Variants in TJP2 observed in about 807,000 individuals in gnomAD.
The protein encoded by TJP2 is tight junction protein 2, also known as Friedreich ataxia region gene X104 (tight junction protein ZO-2).
TJP2 carries 91 observed loss-of-function variants against 133.1 expected under a neutral mutation model. The ratio of observed to expected loss-of-function variants is 0.68; its 90% CI spans 0.58 to 0.81. The LOEUF (loss-of-function observed/expected upper bound fraction) is 0.81. TJP2 is among the 40% of genes least tolerant of loss of function. The pLI is 0.00. For missense variants in TJP2, 1,541 were observed against 1,565.6 expected (o/e 0.98, Z 0.26); for synonymous variants, 592 against 583.4 (o/e 1.01, Z -0.21).
chr9:69,230,147 A>T lies in TJP2; in HGVS notation c.1586A>T (p.Asn529Ile). 6.2e-7 allele frequency: 1 copy of T among 1,614,168 alleles called. No individual in the cohort carries two copies. The highest frequency in any genetic ancestry group is 1.1e-5 in the South Asian group (1 of 91,084). ...DSVGLRLAGGNDVGIFVAGIQ... is the reference protein window; with the variant it reads ...DSVGLRLAGGIDVGIFVAGIQ... ...GTGGGCCTCCGGTTGGCTGGTGGCAATGATGTCGGGATATTTGTTGCTGGC... is the reference window on the plus strand; with the variant it reads ...GTGGGCCTCCGGTTGGCTGGTGGCATTGATGTCGGGATATTTGTTGCTGGC... Residue 529 changes from asparagine to isoleucine, a missense_variant, in exon 11 of 23, where the codon AAT becomes ATT. Transcript: ENST00000377245.
At chr9:69,239,809 A>G (rs1830459662) in intron 16 of TJP2, 128 bp from the exon 17 acceptor site, 5 of 887,876 alleles carry the variant, frequency 5.6e-6, no homozygotes, top group Middle Eastern at 4.9e-4. Flanking sequence ...GCAAGAATCT[A>G]TCCCAAATAA....
chr9:69,220,746 T>C (rs1828757974), intron 4 of TJP2, 141 bp from the exon 5 acceptor site: 2 of 776,810 alleles, frequency 2.6e-6, no homozygotes, highest in Admixed American at 2.1e-5. Flanking sequence ...TTATTGTCCG[T>C]TTCCGGATGA....
intron 16 of TJP2, among the ~76,000 whole-genome samples, chr9:69,239,198 A>T (rs931314965): frequency 6.6e-6 from 1 of 152,000 alleles, no homozygotes; most frequent in Non-Finnish European, 1.5e-5. Flanking sequence ...AAAAAAATAT[A>T]TATATAATGT....
chr9:69,177,234 T>C (rs1825162694), intron 1 of TJP2, among the ~76,000 whole-genome samples: 1 of 152,164 alleles, frequency 6.6e-6, no homozygotes, highest in Non-Finnish European at 1.5e-5. Context: ...TGATTTGGTA[T>C]ATGGTAGTGT....
intron 17 of TJP2, among the ~76,000 whole-genome samples, chr9:69,245,092 C>A (rs1480237623): frequency 5.9e-5 from 9 of 151,506 alleles, no homozygotes; most frequent in Non-Finnish European, 1.3e-4. Flanking sequence ...GAGATGAGCA[C>A]AGTAATCTTT....
chr9:69,209,879 G>C (rs1827736100), intron 1 of TJP2, among the ~76,000 whole-genome samples: 1 of 152,152 alleles, frequency 6.6e-6, no homozygotes. Flanking sequence ...GAGAGGTATG[G>C]CTATAGAGCA....
intron 1 of TJP2, among the ~76,000 whole-genome samples, chr9:69,128,778 G>C (rs1457246842): frequency 6.6e-6 from 1 of 152,062 alleles, no homozygotes; most frequent in African/African-American, 2.4e-5. Flanking sequence ...CGCCCGCCTC[G>C]GCCTCCCAAA....
Position 69,237,903 on chromosome 9 carries a change from A to T in TJP2, c.2205A>T (p.Leu735Phe). 1 of 1,613,970 alleles carries T rather than the reference A, an allele frequency of 6.2e-7. No homozygotes were observed. Among genetic ancestry groups the T allele is most frequent in the Non-Finnish European group, 8.5e-7 (1 of 1,179,890 alleles). ...REAGFKRPVV[L>F]FGPIADIAME... ...CTGGTTTCAAGAGACCTGTGGTCTTATTCGGCCCCATAGCTGATATAGCAA... is the reference window on the plus strand; with the variant it reads ...CTGGTTTCAAGAGACCTGTGGTCTTTTTCGGCCCCATAGCTGATATAGCAA... Residue 735 changes from leucine to phenylalanine, a missense_variant, in exon 15 of 23, where the codon TTA becomes TTT. Leu to Phe is a conservative substitution (Grantham distance 22). Coordinates refer to ENST00000377245, the MANE Select transcript of TJP2 (RefSeq NM_004817.4).
chr9:69,220,204 TATGCATA>T (rs1305526560), intron 4 of TJP2, among the ~76,000 whole-genome samples: 6 of 152,210 alleles, frequency 3.9e-5, no homozygotes, highest in Non-Finnish European at 8.8e-5. Flanking sequence ...TTTAAAAATT[TATGCATA>T]ATGCATAGTT....
In TJP2 at chr9:69,216,480, G is replaced by T; in HGVS notation, c.239+17G>T. ...GCTGCTCCAGTGAGTGTCCTCCCTC[G>T]CTCCGCAGCCCCTACCAGCCCTACT... On this transcript the variant is annotated intron_variant, in intron 3 of 22. Transcript: ENST00000377245. 10 of 1,613,806 alleles carry T rather than the reference G, an allele frequency of 6.2e-6. No individual in the cohort carries two copies. Among genetic ancestry groups the T allele is most frequent in the Non-Finnish European group, 8.5e-6 (10 of 1,179,956 alleles).
intron 1 of TJP2, among the ~76,000 whole-genome samples, chr9:69,178,475 A>G (rs746241347): frequency 6.6e-6 from 1 of 152,214 alleles, no homozygotes; most frequent in Non-Finnish European, 1.5e-5. Flanking sequence ...AGCCCTTGAC[A>G]TCTGAGGTGT....
intron 7 of TJP2, among the ~76,000 whole-genome samples, chr9:69,226,830 ATC>A (rs1434239161): frequency 3.3e-5 from 5 of 152,226 alleles, no homozygotes; most frequent in Admixed American, 3.3e-4. Flanking sequence ...GGCTATTAAT[ATC>A]TCTAATAGAG....
rs147955783 is a variant in TJP2, at chr9:69,144,345, G to C, written c.-130-7306G>C. 6.7e-3 allele frequency among the ~76,000 whole-genome samples: 1,027 copies of C among 152,296 alleles called. 11 individuals carry two copies. The highest frequency in any genetic ancestry group is 0.023 in the African/African-American group (964 of 41,558). On this transcript the variant is annotated intron_variant, in intron 1 of 5. Transcript: ENST00000423935. ...TGTAGAAGTAGGGTTTAAGATTTGC[G>C]GGGATGGGGAAGGGTTTGGGACACT...
intron 1 of TJP2, among the ~76,000 whole-genome samples, chr9:69,141,715 C>G (rs1823026642): frequency 6.6e-6 from 1 of 152,140 alleles, no homozygotes; most frequent in Non-Finnish European, 1.5e-5. Flanking sequence ...CTCAGCCTCC[C>G]GAGTAGCTGG....
intron 1 of TJP2, among the ~76,000 whole-genome samples, chr9:69,137,287 CTTTCTTTCTTTCT>C (rs1822804267): frequency 6.8e-5 from 6 of 88,142 alleles, no homozygotes; most frequent in African/African-American, 2.5e-4. Context: ...TTCTTTCTTT[CTTTCTTTCTTTCT>C]TTTCTTTTCT....
At chr9:69,173,655 C>G (rs1394592426), upstream of TJP2, among the ~76,000 whole-genome samples, 2 of 152,108 alleles carry the variant, frequency 1.3e-5, no homozygotes, top group Admixed American at 1.3e-4. Flanking sequence ...GGTACAAGGC[C>G]GTGTATGTGT....
Position 69,216,557 on chromosome 9 carries a change from A to G in TJP2, c.239+94A>G, listed in dbSNP as rs538221680. On this transcript the variant is annotated intron_variant, in intron 3 of 22. Coordinates refer to ENST00000377245, the MANE Select transcript of TJP2 (RefSeq NM_004817.4). ...TTGGTGTCCACTTTATTTAAAAAAA[A>G]GAAAAAAATAACAAACTTTTATATA... 54 of 1,366,040 alleles carry G rather than the reference A, an allele frequency of 4.0e-5. No individual in the cohort carries two copies. The South Asian group carries it at 6.0e-4, about 15-fold the overall frequency. The allele number at this position is 1,366,040 out of a possible 1,614,324, so 84.6% of individuals were successfully genotyped here.
chr9:69,248,113 A>G lies in TJP2; in HGVS notation c.2769A>G (p.Glu923=), dbSNP rs770661556. 3.1e-6 allele frequency: 5 copies of G among 1,614,068 alleles called. No homozygotes were observed. The Admixed American group carries it at 8.3e-5, about 27-fold the overall frequency. The change falls in exon 19 of 23, where the codon GAA becomes GAG. Residue 923 remains glutamate, a synonymous_variant. Coordinates refer to ENST00000377245, the MANE Select transcript of TJP2 (RefSeq NM_004817.4). ...ACAGCCGCCTCATCAGTGACTTTGA[A>G]GACACGGACGGTGAAGGAGGCGCCT... The part of the protein sequence containing the change: ...SCDSRLISDF[E]DTDGEGGAYT...
intron 11 of TJP2, among the ~76,000 whole-genome samples, chr9:69,230,994 C>T (rs1021301484): frequency 9.2e-5 from 14 of 152,074 alleles, no homozygotes; most frequent in African/African-American, 3.4e-4. Flanking sequence ...AATAACTCAA[C>T]TTGACATTTG....
Sources: allele counts gnomAD v4.1 joint callset (sites outside exome capture counted in the v4.1 genomes callset), GRCh38; gene constraint gnomAD v4.1.1; transcripts MANE v1.5; gene names NCBI Gene and HGNC (gene_info 2026-07-23, HGNC 2026-07-21).